The following MCTP1 variants were observed in gnomAD, a reference collection of about 807,000 sequenced individuals.
MCTP1 encodes the protein multiple C2 and transmembrane domain containing 1.
In MCTP1, 69 loss-of-function variants were observed where a neutral mutation model predicts 120.6. The observed-to-expected ratio is 0.57, with a 90% CI of 0.47 to 0.70. The LOEUF (loss-of-function observed/expected upper bound fraction) is 0.70. MCTP1 is among the 30% of genes least tolerant of loss of function. The pLI, the probability that MCTP1 is intolerant of heterozygous loss-of-function variation, is 0.00. For synonymous variants in MCTP1, 529 were observed against 493.1 expected (o/e 1.07, Z -0.96); for missense variants, 1,203 against 1,248.8 (o/e 0.96, Z 0.55).
At chr5:94,716,393 TAA>T (rs75209507) in intron 19 of MCTP1, among the ~76,000 whole-genome samples, 32 of 135,308 alleles carry the variant, frequency 2.4e-4, no homozygotes, top group Non-Finnish European at 2.3e-4. Flanking sequence ...CACTCTCCAG[TAA>T]AAAAAAAAAA....
At chr5:94,883,771 C>A (rs554830036) in intron 12 of MCTP1, among the ~76,000 whole-genome samples, 2 of 152,328 alleles carry the variant, frequency 1.3e-5, no homozygotes, top group Admixed American at 1.3e-4. Context: ...TTTTAAAAAG[C>A]AACTTAGCAA....
At chr5:95,115,789 A>C (rs890516292) in intron 1 of MCTP1, among the ~76,000 whole-genome samples, 1 of 152,178 alleles carries the variant, frequency 6.6e-6, no homozygotes, top group Admixed American at 6.5e-5. Context: ...AAGGTTATAG[A>C]ATACCAAGCA....
intron 1 of MCTP1, among the ~76,000 whole-genome samples, chr5:95,143,967 G>A (rs1760155380): frequency 6.6e-6 from 1 of 152,136 alleles, no homozygotes; most frequent in Non-Finnish European, 1.5e-5. Context: ...GAAGTTCTTT[G>A]AGAAATCTCC....
At chr5:94,950,414 G>A (rs1820195945) in intron 3 of MCTP1, among the ~76,000 whole-genome samples, 1 of 152,048 alleles carries the variant, frequency 6.6e-6, no homozygotes, top group African/African-American at 2.4e-5. Context: ...CTTTGGGCTT[G>A]CTTTCTTAGT....
chr5:95,005,994 A>G (rs1834663130), intron 2 of MCTP1, among the ~76,000 whole-genome samples: 1 of 151,996 alleles, frequency 6.6e-6, no homozygotes, highest in Admixed American at 6.6e-5. Context: ...ACACACCCCC[A>G]CTCTCACAAA....
intron 17 of MCTP1, among the ~76,000 whole-genome samples, chr5:94,807,353 G>T (rs1311548069): frequency 6.6e-6 from 1 of 152,134 alleles, no homozygotes. Context: ...TACTTAACAG[G>T]AAATTATCTT....
At chr5:94,862,094 C>T (rs1644893335) in intron 17 of MCTP1, among the ~76,000 whole-genome samples, 2 of 151,720 alleles carry the variant, frequency 1.3e-5, no homozygotes, top group Admixed American at 1.3e-4. Flanking sequence ...AGCACTATAC[C>T]TGAGAAAAAA....
intron 1 of MCTP1, among the ~76,000 whole-genome samples, chr5:95,179,021 A>C (rs1398857641): frequency 1.3e-5 from 2 of 152,236 alleles, no homozygotes; most frequent in Non-Finnish European, 2.9e-5. Flanking sequence ...ACACTTAGAG[A>C]AATGCAAAAT....
chr5:94,752,874 C>G (rs1376356105), intron 19 of MCTP1, among the ~76,000 whole-genome samples: 1 of 152,198 alleles, frequency 6.6e-6, no homozygotes, highest in Admixed American at 6.5e-5. Flanking sequence ...TACTCTGTAA[C>G]TGGGATTTAT....
At chr5:95,153,736 AT>A (rs1456487162) in intron 1 of MCTP1, among the ~76,000 whole-genome samples, 1 of 152,222 alleles carries the variant, frequency 6.6e-6, no homozygotes, top group East Asian at 1.9e-4. Context: ...CCGAGGAGTG[AT>A]CAAGAAGTAC....
At chr5:95,152,062 T>A (rs1366795304) in intron 1 of MCTP1, among the ~76,000 whole-genome samples, 3 of 152,240 alleles carry the variant, frequency 2.0e-5, no homozygotes, top group African/African-American at 7.2e-5. Flanking sequence ...TTTTGGATTA[T>A]GAGTGCAATT....
intron 1 of MCTP1, among the ~76,000 whole-genome samples, chr5:95,139,068 T>C (rs955292201): frequency 2.7e-5 from 4 of 150,752 alleles, no homozygotes; most frequent in Non-Finnish European, 4.4e-5. Flanking sequence ...ACATTTAGGG[T>C]TTTTTTTTCC....
rs528180642 is a variant in MCTP1, at chr5:94,753,379, C to T, written c.2610+25731G>A. On this transcript the variant is annotated intron_variant, in intron 19 of 22. Transcript: ENST00000515393. Reference sequence around the variant, plus strand: ...TGCCATATAGCTTCCTATTGCCTTCCGCCTCTGGGGAATACTGCAGTATTC... The same window carrying T: ...TGCCATATAGCTTCCTATTGCCTTCTGCCTCTGGGGAATACTGCAGTATTC... Among the ~76,000 whole-genome samples, 13 of 152,248 alleles carry T rather than the reference C, an allele frequency of 8.5e-5. 1 individual carries two copies. Among genetic ancestry groups the T allele is most frequent in the East Asian group, 3.9e-4 (2 of 5,180 alleles).
chr5:95,038,346 A>G (rs11954009), intron 1 of MCTP1, among the ~76,000 whole-genome samples: 2,477 of 152,358 alleles, frequency 0.016, 71 homozygotes, highest in African/African-American at 0.057. Context: ...GTATTGGATT[A>G]CAACCCAAAG....
At chr5:94,724,826 A>G (rs1761768961) in intron 19 of MCTP1, among the ~76,000 whole-genome samples, 1 of 152,136 alleles carries the variant, frequency 6.6e-6, no homozygotes, top group Admixed American at 6.5e-5. Context: ...AGATTATCCC[A>G]TCTCAGGCTT....
chr5:94,992,350 G>T (rs1431192269), intron 2 of MCTP1, among the ~76,000 whole-genome samples: 1 of 152,148 alleles, frequency 6.6e-6, no homozygotes, highest in African/African-American at 2.4e-5. Flanking sequence ...CTTACTTTAT[G>T]CCTTTTTCTA....
At chr5:95,253,454 AAATT>A (rs1046351771) in intron 1 of MCTP1, among the ~76,000 whole-genome samples, 5 of 152,118 alleles carry the variant, frequency 3.3e-5, no homozygotes, top group African/African-American at 7.2e-5. Flanking sequence ...ATTTAATAGA[AAATT>A]AATTAAGACA....
At chr5:94,859,820 C>G (rs1398369080) in intron 17 of MCTP1, among the ~76,000 whole-genome samples, 1 of 151,628 alleles carries the variant, frequency 6.6e-6, no homozygotes, top group Non-Finnish European at 1.5e-5. Context: ...TAATGCACTC[C>G]TTTTAACCTT....
chr5:95,284,636 C>T lies in MCTP1; in HGVS notation c.-61G>A. 2 of 1,308,390 alleles carry T rather than the reference C, an allele frequency of 1.5e-6. No homozygotes were observed. Among genetic ancestry groups the T allele is most frequent in the South Asian group, 1.7e-5 (1 of 58,770 alleles). The allele number at this position is 1,308,390 out of a possible 1,614,324, so 81.0% of individuals were successfully genotyped here. On this transcript the variant is annotated 5_prime_UTR_variant, in exon 1 of 23. Coordinates refer to ENST00000515393, the MANE Select transcript of MCTP1 (RefSeq NM_024717.7). The surrounding 1 kb of genome is among the most constrained non-coding windows in gnomAD (Gnocchi z 5.2). Reference sequence around the variant, plus strand: ...CTCCTCCTCCTCCTGCTTCTCCTCCCTCTTCGGCTGCACCTCCTCCCGGGT... The same window carrying T: ...CTCCTCCTCCTCCTGCTTCTCCTCCTTCTTCGGCTGCACCTCCTCCCGGGT...
Sources: gnomAD v4.1 joint callset for allele counts (sites outside exome capture counted in the v4.1 genomes callset) on GRCh38, gnomAD v4.1.1 for gene constraint, Gnocchi (gnomAD v3.1) non-coding constraint, MANE v1.5 for transcripts, NCBI Gene and HGNC (gene_info 2026-07-23, HGNC 2026-07-21) for gene names.